The following MAP2K2 variants were observed in gnomAD, a reference collection of about 807,000 sequenced individuals.
MAP2K2 encodes dual specificity mitogen-activated protein kinase kinase 2.
A neutral mutation model predicts 43.7 loss-of-function variants in MAP2K2; 24 were observed. The observed-to-expected ratio is 0.55, with a 90% CI of 0.40 to 0.77. The LOEUF is 0.77. MAP2K2 is among the 30% of genes least tolerant of loss of function. The pLI, the probability that MAP2K2 is intolerant of heterozygous loss-of-function variation, is 0.00. For missense variants in MAP2K2, 470 were observed against 566.8 expected (o/e 0.83, Z 1.73); for synonymous variants, 244 against 239.7 (o/e 1.02, Z -0.17).
rs1215007894 is a variant in MAP2K2 at position 4,095,480 on chromosome 19, C to T, written c.985-31G>A. 5.8e-6 allele frequency: 9 copies of T among 1,544,170 alleles called. No individual in the cohort carries two copies. The Admixed American group carries it at 1.2e-4, about 20-fold the overall frequency. ...GAGGAGAACAGAGGGTGGGGTCAGC[C>T]CTGGGCATCGTCAGGGACCCTCGGC... On this transcript the variant is annotated intron_variant, in intron 8 of 10. Coordinates refer to ENST00000262948, the MANE Select transcript of MAP2K2 (RefSeq NM_030662.4).
intron 6 of MAP2K2, chr19:4,099,616 G>A (rs1022360226): frequency 2.3e-5 from 14 of 598,528 alleles, no homozygotes; most frequent in Middle Eastern, 4.4e-4. Context: ...CTTCCAGCCC[G>A]AGGCCTGGAG....
rs1208823024 is a variant in MAP2K2 at position 4,102,538 on chromosome 19, G to A, written c.451-85C>T. 6 of 1,109,630 alleles carry A rather than the reference G, an allele frequency of 5.4e-6. No individual in the cohort carries two copies. In the Admixed American group the frequency reaches 1.2e-4, roughly 22 times the overall value. 68.7% of individuals were successfully genotyped at this position (1,109,630 alleles called of 1,614,324 possible). A position where few individuals can be genotyped will look rare whatever the true frequency, so the allele number is the denominator to read the frequency against. On this transcript the variant is annotated intron_variant, in intron 3 of 10. Coordinates refer to ENST00000262948, the MANE Select transcript of MAP2K2 (RefSeq NM_030662.4). Reference sequence around the variant, plus strand: ...GCGTCCCCCCACTCCCGGCGAGGGGGTGGTCTGCCTCCTGACGGGAAGCAG... The same window carrying A: ...GCGTCCCCCCACTCCCGGCGAGGGGATGGTCTGCCTCCTGACGGGAAGCAG...
chr19:4,099,841 G>C, intron 6 of MAP2K2: 1 of 260,934 alleles, frequency 3.8e-6, no homozygotes, highest in Non-Finnish European at 7.5e-6. Context: ...GCCGGGTGCA[G>C]TGGCCCATGC....
At chr19:4,100,757 G>C (rs2145053032) in intron 6 of MAP2K2, 1 of 564,180 alleles carries the variant, frequency 1.8e-6, no homozygotes, top group Admixed American at 3.1e-5. Context: ...CAAGTGGGGA[G>C]AGCTGATGAA....
chr19:4,104,324 G>T (rs2041056736), intron 3 of MAP2K2, among the ~76,000 whole-genome samples: 1 of 150,272 alleles, frequency 6.7e-6, no homozygotes, highest in African/African-American at 2.5e-5. Context: ...CTACCACTTT[G>T]GGAGGCCAAA....
chr19:4,109,281 G>T (rs191460789), intron 3 of MAP2K2, among the ~76,000 whole-genome samples: 28 of 152,210 alleles, frequency 1.8e-4, no homozygotes, highest in African/African-American at 6.5e-4. Context: ...CGAGGCCAGA[G>T]TGTCTTAACA....
chr19:4,108,418 AT>A (rs71166960), intron 3 of MAP2K2, among the ~76,000 whole-genome samples: 24,878 of 128,084 alleles, frequency 0.19, 2,390 homozygotes, highest in East Asian at 0.31. Context: ...TTTTTTTTGT[AT>A]TTTTTTTTTT....
At chr19:4,102,022 TC>T (rs1215746045) in intron 4 of MAP2K2, among the ~76,000 whole-genome samples, 2 of 152,012 alleles carry the variant, frequency 1.3e-5, no homozygotes, top group African/African-American at 4.8e-5. Context: ...GGTCCTGGCG[TC>T]CCACATCCCA....
chr19:4,116,084 G>A (rs2041217502), intron 2 of MAP2K2, among the ~76,000 whole-genome samples: 2 of 152,320 alleles, frequency 1.3e-5, no homozygotes, highest in Middle Eastern at 3.4e-3. Flanking sequence ...TCCTCGGTGA[G>A]ACCACGGTGC....
chr19:4,116,057 A>C (rs1360331317), intron 2 of MAP2K2, among the ~76,000 whole-genome samples: 1 of 152,216 alleles, frequency 6.6e-6, no homozygotes, highest in East Asian at 1.9e-4. Flanking sequence ...GGTGGGTGAC[A>C]GTCAGCTTTG....
chr19:4,095,297 G>A lies in MAP2K2; in HGVS notation c.1046+91C>T. On this transcript the variant is annotated intron_variant, in intron 9 of 10. Transcript: ENST00000262948. ...TAACGCTGCACTGGGATTCTGGATG[G>A]GCAGGCTGGGCCACGGGCCCCACCC... is the stretch of plus-strand genomic sequence containing the variant. The A allele has an allele frequency of 3.5e-6, 4 of 1,143,286 alleles. No homozygotes were observed. The South Asian group carries it at 4.2e-5, about 12-fold the overall frequency. The allele number at this position is 1,143,286 out of a possible 1,614,324, so 70.8% of individuals were successfully genotyped here.
At chr19:4,117,997 G>A (rs1461174584) in intron 1 of MAP2K2, among the ~76,000 whole-genome samples, 1 of 152,056 alleles carries the variant, frequency 6.6e-6, no homozygotes, top group African/African-American at 2.4e-5. Context: ...GAATGCAGTG[G>A]CGCGATCTCG....
At position 4,090,684 on chromosome 19, in the gene MAP2K2, C is replaced by T; in HGVS notation, c.1117G>A (p.Glu373Lys). 1 of 1,558,996 alleles carries T rather than the reference C, an allele frequency of 6.4e-7. No individual in the cohort carries two copies. The highest frequency in any genetic ancestry group is 8.7e-7 in the Non-Finnish European group (1 of 1,151,220). The part of the protein sequence containing the change: ...LTNHTFIKRS[E>K]VEEVDFAGWL... Reference sequence around the variant, plus strand: ...CCGGCAAAATCCACTTCTTCCACCTCGGACCGCTTGATGAAGGTGTGGTTC... The same window carrying T: ...CCGGCAAAATCCACTTCTTCCACCTTGGACCGCTTGATGAAGGTGTGGTTC... The change falls in exon 11 of 11, where the codon GAG becomes AAG. Residue 373 changes from glutamate (E) to lysine (K), a missense_variant. Glu to Lys is a moderately conservative substitution (Grantham distance 56). This residue lies in a region of MAP2K2 where 212 missense variants were observed against 220.8 expected (regional missense o/e 0.96). Transcript: ENST00000262948.
intron 9 of MAP2K2, chr19:4,095,115 C>T (rs749940590): frequency 6.7e-4 from 296 of 441,880 alleles, no homozygotes; most frequent in Admixed American, 3.1e-3. Context: ...GAGGCTTCTC[C>T]TGCTGCAGAC....
chr19:4,115,278 G>C lies in MAP2K2; in HGVS notation c.303+2141C>G, dbSNP rs2041205708. Among the ~76,000 whole-genome samples, 1 of 152,064 alleles carries C rather than the reference G, an allele frequency of 6.6e-6. No individual in the cohort carries two copies. The highest frequency in any genetic ancestry group is 2.1e-4 in the South Asian group (1 of 4,826). On this transcript the variant is annotated intron_variant, in intron 2 of 10. Coordinates refer to ENST00000262948, the MANE Select transcript of MAP2K2 (RefSeq NM_030662.4). The surrounding 1 kb of genome is among the most constrained non-coding windows in gnomAD (Gnocchi z 4.1). ...AGCCACGCCTGCCCTCAGGTTCAAAGGCCCCGATCTCCCTTTCCCCGCTAC... is the reference window on the plus strand; with the variant it reads ...AGCCACGCCTGCCCTCAGGTTCAAACGCCCCGATCTCCCTTTCCCCGCTAC...
chr19:4,099,394 T>C lies in MAP2K2; in HGVS notation c.726A>G (p.Thr242=), dbSNP rs150374370. 3 of 1,610,626 alleles carry C rather than the reference T, an allele frequency of 1.9e-6. No homozygotes were observed. The highest frequency in any genetic ancestry group is 2.5e-6 in the Non-Finnish European group (3 of 1,178,750). The change falls in exon 7 of 11, where the codon ACA becomes ACG. Residue 242 remains threonine (T), a synonymous_variant. Coordinates refer to ENST00000262948, the MANE Select transcript of MAP2K2 (RefSeq NM_030662.4). ...AGATGTCCGACTGCACCGAGTAATGTGTGCCCTGCAACCGCTCCGGCTGCA... is the reference window on the plus strand; with the variant it reads ...AGATGTCCGACTGCACCGAGTAATGCGTGCCCTGCAACCGCTCCGGCTGCA... ...SYMAPERLQG[T]HYSVQSDIWS...
At position 4,115,106 on chromosome 19, in the gene MAP2K2, G is replaced by A. The variant is rs2041203778; in HGVS notation, c.303+2313C>T. Among the ~76,000 whole-genome samples, 1 of 152,086 alleles carries A rather than the reference G, an allele frequency of 6.6e-6. No homozygotes were observed. Among genetic ancestry groups the A allele is most frequent in the Non-Finnish European group, 1.5e-5 (1 of 68,026 alleles). The stretch of plus-strand genomic sequence containing the variant: ...ATTTTGAAAGAATTATAGAAGCACA[G>A]GAAGTTGCAAAAATAGTAACGAGAG... On this transcript the variant is annotated intron_variant, in intron 2 of 10. Transcript: ENST00000262948. This position sits in a 1 kb window ranked among gnomAD's most constrained non-coding sequence, Gnocchi z 4.1.
intron 3 of MAP2K2, chr19:4,103,405 G>A: frequency 3.9e-6 from 1 of 258,326 alleles, no homozygotes; most frequent in Non-Finnish European, 6.1e-6. Context: ...AGAGGCTCCG[G>A]ACACACCTGC....
chr19:4,095,765 G>C (rs1599282763), intron 8 of MAP2K2, among the ~76,000 whole-genome samples: 2 of 152,240 alleles, frequency 1.3e-5, no homozygotes, highest in South Asian at 4.1e-4. Flanking sequence ...CCCCACAGAG[G>C]GACATCTGGA....
Sources: allele counts gnomAD v4.1 joint callset (sites outside exome capture counted in the v4.1 genomes callset), GRCh38; gene constraint gnomAD v4.1.1; regional missense constraint gnomAD v4.1.1; non-coding constraint Gnocchi (gnomAD v3.1); transcripts MANE v1.5; gene names NCBI Gene and HGNC (gene_info 2026-07-23, HGNC 2026-07-21).